ERCC6L2: variants seen among roughly 807,000 people sequenced by gnomAD.
ERCC6L2 encodes ERCC excision repair 6 like 2, also known as DNA excision repair protein ERCC-6-like 2.
A neutral mutation model predicts 132.0 loss-of-function variants in ERCC6L2; 77 were observed. That is an observed-to-expected ratio of 0.58 (90% confidence interval 0.49 to 0.71). The LOEUF is 0.71. Among genes scored for constraint, ERCC6L2 ranks in the 30% least tolerant of loss-of-function variants. ERCC6L2 has a pLI of 0.00. For missense variants in ERCC6L2, 1,542 were observed against 1,837.6 expected (o/e 0.84, Z 2.94); for synonymous variants, 583 against 632.4 (o/e 0.92, Z 1.17).
rs1418737871 is a variant in ERCC6L2, at chr9:96,018,262, G to C, written c.*5059G>C. ...GTATGTGTTTTACAATTTTAAAAATGGAAAAAAAGTAAGACCAAAAGCAAC... is the reference window on the plus strand; with the variant it reads ...GTATGTGTTTTACAATTTTAAAAATCGAAAAAAAGTAAGACCAAAAGCAAC... On this transcript the variant is annotated 3_prime_UTR_variant, in exon 19 of 19. Coordinates refer to ENST00000653738, the MANE Select transcript of ERCC6L2 (RefSeq NM_020207.7). Among the ~76,000 whole-genome samples, 1 of 152,036 alleles carries C rather than the reference G, an allele frequency of 6.6e-6. No homozygotes were observed. Among genetic ancestry groups the C allele is most frequent in the Non-Finnish European group, 1.5e-5 (1 of 67,984 alleles).
intron 14 of ERCC6L2, among the ~76,000 whole-genome samples, chr9:95,970,118 A>G (rs1437259336): frequency 1.3e-5 from 2 of 152,134 alleles, no homozygotes; most frequent in African/African-American, 4.8e-5. Flanking sequence ...GGTATTTTTA[A>G]ATGAATATGA....
Position 96,013,481 on chromosome 9 carries a change from T to TA in ERCC6L2, c.*279dup, listed in dbSNP as rs1834104665. 9.4e-6 allele frequency: 2 copies of TA among 213,728 alleles called. No homozygotes were observed. The highest frequency in any genetic ancestry group is 4.7e-5 in the African/African-American group (2 of 42,634). The allele number at this position is 213,728 out of a possible 1,614,324, so 13.2% of individuals were successfully genotyped here. On this transcript the variant is annotated 3_prime_UTR_variant, in exon 19 of 19. Coordinates refer to ENST00000653738, the MANE Select transcript of ERCC6L2 (RefSeq NM_020207.7). ...AATAGGAGACCTGGGACATCTTTCT[T>TA]ACTATATTACATAATGATGTGACAC... is the stretch of plus-strand genomic sequence containing the variant.
intron 12 of ERCC6L2, among the ~76,000 whole-genome samples, chr9:95,948,447 G>T (rs1831165772): frequency 6.6e-6 from 1 of 152,198 alleles, no homozygotes; most frequent in African/African-American, 2.4e-5. Context: ...GAGGTCAGGA[G>T]TTTGAGACCA....
chr9:95,956,918 C>G (rs1213566166), intron 13 of ERCC6L2, among the ~76,000 whole-genome samples: 1 of 152,082 alleles, frequency 6.6e-6, no homozygotes, highest in East Asian at 1.9e-4. Flanking sequence ...TCATATGTTA[C>G]CATTTTCTAC....
intron 4 of ERCC6L2, among the ~76,000 whole-genome samples, chr9:95,907,852 C>CAA (rs1564212314): frequency 1.4e-4 from 21 of 149,902 alleles, no homozygotes; most frequent in African/African-American, 5.1e-4. Context: ...CACACACACA[C>CAA]ACACCCCCAC....
intron 16 of ERCC6L2, among the ~76,000 whole-genome samples, chr9:95,974,470 G>T (rs1832574452): frequency 6.6e-6 from 1 of 152,144 alleles, no homozygotes; most frequent in Non-Finnish European, 1.5e-5. Context: ...TCTCTGACAT[G>T]AATATTTTGG....
rs1834164713 is a variant in ERCC6L2, at chr9:96,015,403, G to T, written c.*2200G>T. Among the ~76,000 whole-genome samples, 1 of 151,786 alleles carries T rather than the reference G, an allele frequency of 6.6e-6. No homozygotes were observed. Among genetic ancestry groups the T allele is most frequent in the Non-Finnish European group, 1.5e-5 (1 of 67,896 alleles). On this transcript the variant is annotated 3_prime_UTR_variant, in exon 19 of 19. Transcript: ENST00000653738. ...GGGTTTCACCATGTTGGCCAGGCTG[G>T]TCTCAATCTCCTGGCTGCAAGCGAT... is the stretch of plus-strand genomic sequence containing the variant.
At chr9:95,921,412 TCAGA>T (rs1829863792) in intron 7 of ERCC6L2, 97 bp downstream of exon 7, 15 of 944,240 alleles carry the variant, frequency 1.6e-5, no homozygotes, top group Middle Eastern at 2.4e-4. Context: ...TACCTTTTCC[TCAGA>T]CAGTTCTTTA....
At chr9:95,942,323 T>C (rs1587946739) in intron 12 of ERCC6L2, among the ~76,000 whole-genome samples, 1 of 152,052 alleles carries the variant, frequency 6.6e-6, no homozygotes, top group East Asian at 1.9e-4. Context: ...TGAAGAATTA[T>C]GAAACATTTT....
intron 10 of ERCC6L2, 48 bp from the exon 11 acceptor site, chr9:95,928,671 T>A (rs1276661642): frequency 5.2e-6 from 8 of 1,529,214 alleles, no homozygotes; most frequent in Middle Eastern, 1.7e-4. Context: ...GGTCTGAAAC[T>A]TACTTAACCA....
intron 13 of ERCC6L2, among the ~76,000 whole-genome samples, chr9:95,960,390 G>C (rs928502708): frequency 2.0e-5 from 3 of 152,100 alleles, no homozygotes; most frequent in Non-Finnish European, 4.4e-5. Flanking sequence ...AATTGTAAAT[G>C]GTACTTTATA....
At chr9:95,876,916 T>A (rs987082626) in intron 1 of ERCC6L2, 13 of 152,222 alleles carry the variant, frequency 8.5e-5, no homozygotes, top group Non-Finnish European at 4.4e-5. Flanking sequence ...TAAAAATAGA[T>A]GAAGCTGCCG....
chr9:96,020,782 C>G (rs1193143844), downstream of ERCC6L2: 1 of 456,652 alleles, frequency 2.2e-6, no homozygotes. Flanking sequence ...GTGGACGGGC[C>G]TAAGAGAATG....
intron 19 of ERCC6L2, among the ~76,000 whole-genome samples, chr9:96,030,552 A>C (rs755163432): frequency 6.6e-6 from 1 of 151,916 alleles, no homozygotes; most frequent in African/African-American, 2.4e-5. Flanking sequence ...ATACAAAAAA[A>C]TTAGCCGGGC....
chr9:95,914,277 A>G (rs183519798), intron 4 of ERCC6L2, among the ~76,000 whole-genome samples: 4 of 152,322 alleles, frequency 2.6e-5, no homozygotes, highest in Admixed American at 2.0e-4. Flanking sequence ...TGACATCTAT[A>G]TCTTCAGATA....
intron 4 of ERCC6L2, among the ~76,000 whole-genome samples, chr9:95,908,063 G>C (rs751291548): frequency 5.9e-5 from 9 of 152,102 alleles, no homozygotes; most frequent in Non-Finnish European, 1.3e-4. Flanking sequence ...TTTGCACTTT[G>C]TAAATACCTT....
At chr9:96,025,387 G>A (rs1437912638) in intron 19 of ERCC6L2, among the ~76,000 whole-genome samples, 1 of 152,242 alleles carries the variant, frequency 6.6e-6, no homozygotes, top group Non-Finnish European at 1.5e-5. Flanking sequence ...GAGGCCAGAT[G>A]GCAGCGAGTT....
intron 19 of ERCC6L2, among the ~76,000 whole-genome samples, chr9:96,036,970 T>G (rs1414426071): frequency 2.0e-5 from 3 of 151,124 alleles, no homozygotes; most frequent in South Asian, 4.2e-4. Context: ...GTTTCACCGT[T>G]TTAGCCGGGA....
At chr9:95,896,408 A>AT (rs11371289) in intron 2 of ERCC6L2, among the ~76,000 whole-genome samples, 6,841 of 136,400 alleles carry the variant, frequency 0.05, 197 homozygotes, top group East Asian at 0.13. Context: ...TTGTTTTTTG[A>AT]TTTTTTTTTT....
Sources: gnomAD v4.1 joint callset for allele counts (sites outside exome capture counted in the v4.1 genomes callset) on GRCh38, gnomAD v4.1.1 for gene constraint, MANE v1.5 for transcripts, NCBI Gene and HGNC (gene_info 2026-07-23, HGNC 2026-07-21) for gene names.